The following LRP1B variants were observed in gnomAD, a reference collection of about 807,000 sequenced individuals.
LRP1B encodes the protein LDL receptor related protein 1B, also known as low-density lipoprotein receptor-related protein 1B.
A neutral mutation model predicts 556.6 loss-of-function variants in LRP1B; 217 were observed. The ratio of observed to expected loss-of-function variants is 0.39; its 90% CI spans 0.35 to 0.44. The LOEUF (loss-of-function observed/expected upper bound fraction) is 0.44, where lower values mean the gene tolerates loss of function less well. LRP1B is among the 20% of genes least tolerant of loss of function. The pLI, the probability that LRP1B is intolerant of heterozygous loss-of-function variation, is 1.00. For synonymous variants in LRP1B, 2,047 were observed against 1,865.8 expected (o/e 1.10, Z -2.50); for missense variants, 5,053 against 5,620.8 (o/e 0.90, Z 3.23).
At position 141,736,910 on chromosome 2, in the gene LRP1B, G is replaced by A. The variant is rs200358663; in HGVS notation, c.205+73369C>T. On this transcript the variant is annotated intron_variant, in intron 2 of 90. Transcript: ENST00000389484. The stretch of plus-strand genomic sequence containing the variant: ...TCTTTCTAATGAAGACTTATGAGAC[G>A]CAGAATAGTAAGTGCAGCTTAGAAA... 4.6e-5 allele frequency among the ~76,000 whole-genome samples: 7 copies of A among 152,274 alleles called. No homozygotes were observed. The South Asian group carries it at 6.2e-4, about 14-fold the overall frequency.
chr2:140,665,308 A>G (rs1260213385), intron 41 of LRP1B, among the ~76,000 whole-genome samples: 2 of 152,222 alleles, frequency 1.3e-5, no homozygotes, highest in African/African-American at 2.4e-5. Context: ...CTCATATTTA[A>G]TCATTTCAGG....
intron 18 of LRP1B, among the ~76,000 whole-genome samples, chr2:140,962,900 T>C (rs1349263584): frequency 1.3e-5 from 2 of 152,206 alleles, no homozygotes; most frequent in African/African-American, 2.4e-5. Flanking sequence ...CAGCAAATTT[T>C]AGCTCATGTC....
chr2:140,586,856 A>G (rs1218618288), intron 43 of LRP1B, among the ~76,000 whole-genome samples: 1 of 152,200 alleles, frequency 6.6e-6, no homozygotes, highest in African/African-American at 2.4e-5. Flanking sequence ...GGAAGATTTC[A>G]AAGAGACTGA....
intron 72 of LRP1B, among the ~76,000 whole-genome samples, chr2:140,363,572 G>T (rs1460796185): frequency 2.0e-5 from 3 of 151,412 alleles, no homozygotes; most frequent in Non-Finnish European, 4.4e-5. Flanking sequence ...TCTAATCCCT[G>T]GTGATTACCC....
intron 37 of LRP1B, among the ~76,000 whole-genome samples, chr2:140,707,368 T>A (rs1686876829): frequency 6.6e-6 from 1 of 151,798 alleles, no homozygotes. Context: ...AGCGTGGGAG[T>A]CAACAGTGAG....
intron 3 of LRP1B, among the ~76,000 whole-genome samples, chr2:141,357,603 T>C (rs1688674325): frequency 6.6e-6 from 1 of 152,164 alleles, no homozygotes; most frequent in Non-Finnish European, 1.5e-5. Context: ...TCCTCTTACT[T>C]GTAGCTGAAA....
At chr2:140,816,876 T>G (rs1303810097) in intron 31 of LRP1B, among the ~76,000 whole-genome samples, 1 of 152,172 alleles carries the variant, frequency 6.6e-6, no homozygotes, top group Non-Finnish European at 1.5e-5. Context: ...TTCATTTTGT[T>G]ATTATCATTC....
intron 1 of LRP1B, among the ~76,000 whole-genome samples, chr2:141,865,858 T>C (rs1465500118): frequency 1.3e-5 from 2 of 152,200 alleles, no homozygotes; most frequent in African/African-American, 4.8e-5. Flanking sequence ...GCATGTGAGC[T>C]CACATCTTGG....
chr2:142,052,416 A>G (rs1332410323), intron 1 of LRP1B, among the ~76,000 whole-genome samples: 1 of 152,096 alleles, frequency 6.6e-6, no homozygotes, highest in Non-Finnish European at 1.5e-5. Flanking sequence ...TTCATTATCC[A>G]TGACTCTTGA....
intron 84 of LRP1B, among the ~76,000 whole-genome samples, chr2:140,290,000 A>C (rs1347551733): frequency 6.6e-6 from 1 of 152,058 alleles, no homozygotes; most frequent in Non-Finnish European, 1.5e-5. Context: ...CAGAAAAATA[A>C]CTGGGCCTAC....
intron 1 of LRP1B, among the ~76,000 whole-genome samples, chr2:141,917,583 A>G (rs1024764981): frequency 1.3e-5 from 2 of 152,214 alleles, no homozygotes; most frequent in Non-Finnish European, 2.9e-5. Flanking sequence ...TTCCAGTTAA[A>G]CATTTCTGTT....
At position 140,880,140 on chromosome 2, in the gene LRP1B, A is replaced by ATTT. The variant is rs1559171949; in HGVS notation, c.4169+3676_4169+3677insAAA. ...TGGCAGTTAAAAATTTAGTTTAACT[A>ATTT]AATTCAGTTTTAGTTAAAAGCTGAA... On this transcript the variant is annotated intron_variant, in intron 25 of 90. Transcript: ENST00000389484. Among the ~76,000 whole-genome samples the ATTT allele has an allele frequency of 9.9e-5, 15 of 152,236 alleles. 1 individual carries two copies. Among genetic ancestry groups the ATTT allele is most frequent in the Admixed American group, 5.9e-4 (9 of 15,270 alleles).
rs10636398 is a variant in LRP1B at position 141,392,460 on chromosome 2, T to TAAAA, written c.343+87932_343+87935dup. Among the ~76,000 whole-genome samples, 486 of 95,958 alleles carry TAAAA rather than the reference T, an allele frequency of 5.1e-3. 13 individuals are homozygous for TAAAA. The highest frequency in any genetic ancestry group is 0.047 in the East Asian group (136 of 2,918). 63.0% of individuals were successfully genotyped at this position (95,958 alleles called of 152,430 possible). A position where few individuals can be genotyped will look rare whatever the true frequency, so the allele number is the denominator to read the frequency against. On this transcript the variant is annotated intron_variant, in intron 3 of 90. Transcript: ENST00000389484. Reference sequence around the variant, plus strand: ...TTCCATCATCAGCATTGTCCTCTCTTAAAAAAAAAAAAAAAAAAAAAGAGA... The same window carrying TAAAA: ...TTCCATCATCAGCATTGTCCTCTCTTAAAAAAAAAAAAAAAAAAAAAAAAAGAGA...
At chr2:140,328,476 G>GAAAAAAAAAATGAAA (rs1558805366) in intron 79 of LRP1B, among the ~76,000 whole-genome samples, 1 of 141,334 alleles carries the variant, frequency 7.1e-6, no homozygotes, top group East Asian at 2.1e-4. Flanking sequence ...GAAAATGAAA[G>GAAAAAAAAAATGAAA]AAAAAAAAAA....
intron 66 of LRP1B, among the ~76,000 whole-genome samples, chr2:140,436,222 CA>C (rs1686174940): frequency 6.6e-6 from 1 of 151,994 alleles, no homozygotes; most frequent in Non-Finnish European, 1.5e-5. Flanking sequence ...CCCACCCTAC[CA>C]AGTTTGTAGA....
At chr2:141,370,430 T>C (rs957596087) in intron 3 of LRP1B, among the ~76,000 whole-genome samples, 3 of 152,200 alleles carry the variant, frequency 2.0e-5, no homozygotes, top group African/African-American at 7.2e-5. Flanking sequence ...ATAGACTTCT[T>C]GGCCATTTGT....
At chr2:141,061,918 T>C in intron 8 of LRP1B, 133 bp downstream of exon 8, 1 of 679,354 alleles carries the variant, frequency 1.5e-6, no homozygotes, top group Non-Finnish European at 2.5e-6. Context: ...CATTCTCCAA[T>C]ATAGGAAATA....
chr2:141,346,226 C>T (rs551398232), intron 3 of LRP1B, among the ~76,000 whole-genome samples: 25 of 151,834 alleles, frequency 1.6e-4, no homozygotes, highest in African/African-American at 5.6e-4. Flanking sequence ...AGTGATTTTG[C>T]TTATATTTAA....
intron 49 of LRP1B, among the ~76,000 whole-genome samples, chr2:140,520,511 G>A (rs180728221): frequency 1.8e-3 from 277 of 152,032 alleles, no homozygotes; most frequent in African/African-American, 6.5e-3. Flanking sequence ...TGTGGATGGC[G>A]AGTTGATGGG....
Sources: gnomAD v4.1 joint callset for allele counts (sites outside exome capture counted in the v4.1 genomes callset) on GRCh38, gnomAD v4.1.1 for gene constraint, MANE v1.5 for transcripts, NCBI Gene and HGNC (gene_info 2026-07-23, HGNC 2026-07-21) for gene names.